PKP4: variants seen among roughly 807,000 people sequenced by gnomAD.
PKP4 encodes plakophilin-4.
A neutral mutation model predicts 145.1 loss-of-function variants in PKP4; 90 were observed. The ratio of observed to expected loss-of-function variants is 0.62; its 90% CI spans 0.52 to 0.74. The LOEUF (loss-of-function observed/expected upper bound fraction) is 0.74. PKP4 is among the 30% of genes least tolerant of loss of function. PKP4 has a pLI of 0.00. For missense variants in PKP4, 1,340 were observed against 1,482.7 expected (o/e 0.90, Z 1.58); for synonymous variants, 563 against 577.2 (o/e 0.98, Z 0.35).
intron 12 of PKP4, chr2:158,658,644 C>T (rs1158855890): frequency 4.9e-6 from 1 of 202,792 alleles, no homozygotes; most frequent in Non-Finnish European, 9.7e-6. Context: ...TTGCAGCCTG[C>T]TGTTTGTTTA....
rs376263797 is a variant in PKP4 at position 158,503,733 on chromosome 2, A to G, written c.-5-29447A>G. Among the ~76,000 whole-genome samples, 5 of 152,198 alleles carry G rather than the reference A, an allele frequency of 3.3e-5. No homozygotes were observed. The East Asian group carries it at 7.7e-4, about 23-fold the overall frequency. On this transcript the variant is annotated intron_variant, in intron 1 of 21. Coordinates refer to ENST00000389759, the MANE Select transcript of PKP4 (RefSeq NM_003628.6). ...ACCCAAACTGCCTTTTTGTCTTTTAATTGTATACACAATTCTGAAAGCACT... is the reference window on the plus strand; with the variant it reads ...ACCCAAACTGCCTTTTTGTCTTTTAGTTGTATACACAATTCTGAAAGCACT...
At chr2:158,635,622 TCA>T (rs1408069604) in intron 9 of PKP4, among the ~76,000 whole-genome samples, 1 of 152,174 alleles carries the variant, frequency 6.6e-6, no homozygotes, top group Non-Finnish European at 1.5e-5. Context: ...CCTGAAGACT[TCA>T]GTTTTGACCT....
chr2:158,628,922 G>A lies in PKP4; in HGVS notation c.1154-2831G>A, dbSNP rs1041628821. On this transcript the variant is annotated intron_variant, in intron 7 of 21. Transcript: ENST00000389759. ...GATCCTCAGTGTCTTGCACTGAGTC[G>A]TGAGTGTCTGTGGCTCTGTTGGGTG... 1.1e-4 allele frequency among the ~76,000 whole-genome samples: 16 copies of A among 152,248 alleles called. 1 individual carries two copies. The highest frequency in any genetic ancestry group is 3.1e-4 in the African/African-American group (13 of 41,540).
intron 2 of PKP4, among the ~76,000 whole-genome samples, chr2:158,567,915 G>A (rs1226221831): frequency 6.6e-6 from 1 of 152,198 alleles, no homozygotes; most frequent in Non-Finnish European, 1.5e-5. Flanking sequence ...ATAAGAGAAA[G>A]GGAGGAAATG....
In PKP4 at chr2:158,666,525, G is replaced by A. The variant is rs1435105661; in HGVS notation, c.2690G>A (p.Arg897Lys). 1 of 1,613,378 alleles carries A rather than the reference G, an allele frequency of 6.2e-7. No homozygotes were observed. The highest frequency in any genetic ancestry group is 1.7e-5 in the Admixed American group (1 of 59,904). The change falls in exon 16 of 22, where the codon AGG becomes AAG. Residue 897 changes from arginine to lysine, a missense_variant. Coordinates refer to ENST00000389759, the MANE Select transcript of PKP4 (RefSeq NM_003628.6). ...RVVSSVATAL[R>K]NMALDVRNKE... is the part of the protein sequence containing the mutation. Reference sequence around the variant, plus strand: ...GTTTCTTCCGTGGCAACAGCCTTGAGGAATATGGCACTAGATGTTCGCAAC... The same window carrying A: ...GTTTCTTCCGTGGCAACAGCCTTGAAGAATATGGCACTAGATGTTCGCAAC...
chr2:158,654,553 G>A (rs1558958988), intron 11 of PKP4, among the ~76,000 whole-genome samples: 1 of 152,058 alleles, frequency 6.6e-6, no homozygotes, highest in Non-Finnish European at 1.5e-5. Context: ...CTGGCATGTT[G>A]GTGTGACTTT....
At chr2:158,643,712 CA>C (rs762303684) in intron 11 of PKP4, among the ~76,000 whole-genome samples, 111 of 69,750 alleles carry the variant, frequency 1.6e-3, no homozygotes, top group African/African-American at 3.3e-3. Flanking sequence ...GGCCCTGTTT[CA>C]AAAAAAAAAA....
At chr2:158,583,661 A>G (rs2048531034) in intron 3 of PKP4, among the ~76,000 whole-genome samples, 1 of 151,460 alleles carries the variant, frequency 6.6e-6, no homozygotes, top group East Asian at 1.9e-4. Context: ...ATTTTCATGA[A>G]CCCCCCTAAA....
chr2:158,676,678 G>T, intron 19 of PKP4, 61 bp from the exon 20 acceptor site: 1 of 1,599,168 alleles, frequency 6.3e-7, no homozygotes. Flanking sequence ...ATTTTCCACA[G>T]ATACTGATGC....
At chr2:158,559,572 C>T (rs1251164977) in intron 2 of PKP4, among the ~76,000 whole-genome samples, 4 of 152,230 alleles carry the variant, frequency 2.6e-5, no homozygotes, top group Non-Finnish European at 2.9e-5. Flanking sequence ...ATGGCATTCT[C>T]TTGCAATTGC....
chr2:158,517,262 A>G (rs1007002533), intron 1 of PKP4, among the ~76,000 whole-genome samples: 2 of 152,250 alleles, frequency 1.3e-5, no homozygotes, highest in Non-Finnish European at 1.5e-5. Flanking sequence ...TTAGAAATCT[A>G]TTGAACCTAA....
intron 1 of PKP4, among the ~76,000 whole-genome samples, chr2:158,491,955 C>T (rs1015514229): frequency 6.6e-6 from 1 of 151,954 alleles, no homozygotes; most frequent in Non-Finnish European, 1.5e-5. Context: ...AGCACAGGTG[C>T]GCATCACCAT....
intron 1 of PKP4, among the ~76,000 whole-genome samples, chr2:158,518,795 A>G: frequency 6.6e-6 from 1 of 152,212 alleles, no homozygotes; most frequent in East Asian, 1.9e-4. Context: ...TATTTGAATC[A>G]TAATTTTTGG....
intron 16 of PKP4, 185 bp downstream of exon 16, chr2:158,666,748 A>G (rs1015653148): frequency 2.1e-5 from 10 of 481,378 alleles, no homozygotes; most frequent in African/African-American, 1.4e-4. Flanking sequence ...AGGCAAGCTC[A>G]TTAATTAGTC....
At chr2:158,490,772 A>G (rs545670689) in intron 1 of PKP4, among the ~76,000 whole-genome samples, 2 of 151,522 alleles carry the variant, frequency 1.3e-5, no homozygotes, top group Non-Finnish European at 2.9e-5. Flanking sequence ...TTGGCTCTGG[A>G]TTCTCTCTTT....
chr2:158,611,477 C>A (rs1391346105), intron 4 of PKP4, among the ~76,000 whole-genome samples: 1 of 152,150 alleles, frequency 6.6e-6, no homozygotes, highest in Non-Finnish European at 1.5e-5. Flanking sequence ...AACATCAATA[C>A]CGAAGATAAA....
rs541486579 is a variant in PKP4 at position 158,577,480 on chromosome 2, G to A, written c.245+97G>A. ...AAAAGATTCTGTTAGTGTTGTTACT[G>A]TTAACTTGCCTTCCAGAATTTGAAA... On this transcript the variant is annotated intron_variant, in intron 3 of 21. Transcript: ENST00000389759. 22 of 732,890 alleles carry A rather than the reference G, an allele frequency of 3.0e-5. No homozygotes were observed. The African/African-American group carries it at 3.5e-4, about 12-fold the overall frequency. The allele number at this position is 732,890 out of a possible 1,614,324, so 45.4% of individuals were successfully genotyped here. A position where few individuals can be genotyped will look rare whatever the true frequency, so the allele number is the denominator to read the frequency against.
At chr2:158,481,806 T>C (rs1693394125) in intron 1 of PKP4, among the ~76,000 whole-genome samples, 1 of 152,216 alleles carries the variant, frequency 6.6e-6, no homozygotes, top group Non-Finnish European at 1.5e-5. Context: ...ACTGATAATA[T>C]ATAAGTAAAA....
chr2:158,647,853 G>C (rs2054976673), intron 11 of PKP4, among the ~76,000 whole-genome samples: 1 of 152,180 alleles, frequency 6.6e-6, no homozygotes, highest in Admixed American at 6.5e-5. Context: ...TAAAATGAAT[G>C]TCTGCTAGGC....
Sources: gnomAD v4.1 joint callset for allele counts (sites outside exome capture counted in the v4.1 genomes callset) on GRCh38, gnomAD v4.1.1 for gene constraint, MANE v1.5 for transcripts, NCBI Gene and HGNC (gene_info 2026-07-23, HGNC 2026-07-21) for gene names.